Variants in PIWIL1 observed in about 807,000 individuals in gnomAD.
PIWIL1 encodes the protein piwi-like protein 1.
In PIWIL1, 73 loss-of-function variants were observed where a neutral mutation model predicts 114.4. That is an observed-to-expected ratio of 0.64 (90% CI 0.53 to 0.78). The LOEUF is 0.78. Ranked by LOEUF, PIWIL1 falls within the 30% of genes least tolerant of loss-of-function variation. PIWIL1 has a pLI of 0.00. For missense variants in PIWIL1, 723 were observed against 1,063.1 expected (o/e 0.68, Z 4.45); for synonymous variants, 375 against 369.0 (o/e 1.02, Z -0.19).
chr12:130,402,921 G>A, the PIWIL1 span, among the ~76,000 whole-genome samples: 8 of 152,334 alleles, frequency 5.3e-5, no homozygotes, highest in African/African-American at 1.7e-4. Flanking sequence ...TTTAAAACAC[G>A]ATGGGGTGTT....
At chr12:130,345,265 G>A (rs565720745) in intron 3 of PIWIL1, 1 of 153,538 alleles carries the variant, frequency 6.5e-6, no homozygotes, top group African/African-American at 2.4e-5. Flanking sequence ...AAGAGAGTCA[G>A]GTAGTGAGGA....
chr12:130,357,431 C>G (rs768995648), intron 13 of PIWIL1, 50 bp from the exon 14 acceptor site: 1 of 1,350,406 alleles, frequency 7.4e-7, no homozygotes, highest in Non-Finnish European at 1.1e-6. Context: ...TATGCACGGT[C>G]CATTTGTCGC....
chr12:130,349,323 C>G lies in PIWIL1; in HGVS notation c.819C>G (p.Val273=), dbSNP rs2073152681. 6.2e-7 allele frequency: 1 copy of G among 1,613,700 alleles called. No individual in the cohort carries two copies. Among genetic ancestry groups the G allele is most frequent in the African/African-American group, 1.3e-5 (1 of 74,886 alleles). ...TCTGCACTGACGTTAGCCATAAAGTCCTTCGAAGTGAGACTGTTTTGGATT... is the reference window on the plus strand; with the variant it reads ...TCTGCACTGACGTTAGCCATAAAGTGCTTCGAAGTGAGACTGTTTTGGATT... The part of the protein sequence containing the change: ...IMLCTDVSHK[V]LRSETVLDFM... The change falls in exon 8 of 21, where the codon GTC becomes GTG. Residue 273 remains valine (V), a synonymous_variant. Coordinates refer to ENST00000245255, the MANE Select transcript of PIWIL1 (RefSeq NM_004764.5).
chr12:130,424,392 C>T, the PIWIL1 span: 68 of 1,232,678 alleles, frequency 5.5e-5, no homozygotes, highest in East Asian at 6.0e-4. This position sits in a 1 kb window ranked among gnomAD's most constrained non-coding sequence, Gnocchi z 9.8. Context: ...CGTCCGCCGC[C>T]GGGCCAGCAG....
chr12:130,377,496 C>T (rs139303940), downstream of PIWIL1, among the ~76,000 whole-genome samples: 601 of 152,310 alleles, frequency 3.9e-3, 4 homozygotes, highest in African/African-American at 0.014. Context: ...TAAGTTACAC[C>T]AGGCAGAGAG....
the PIWIL1 span, among the ~76,000 whole-genome samples, chr12:130,420,315 A>G: frequency 5.3e-5 from 8 of 152,052 alleles, no homozygotes; most frequent in African/African-American, 1.9e-4. This position sits in a 1 kb window ranked among gnomAD's most constrained non-coding sequence, Gnocchi z 4.3. Context: ...TTGCTACATG[A>G]TAAGAAGTCA....
At chr12:130,399,971 A>G in the PIWIL1 span, among the ~76,000 whole-genome samples, 256 of 152,310 alleles carry the variant, frequency 1.7e-3, 1 homozygote, top group African/African-American at 5.7e-3. Context: ...AGGGTTTCCA[A>G]ATTTTCCTCA....
the PIWIL1 span, chr12:130,406,376 G>T: frequency 1.6e-6 from 1 of 618,012 alleles, no homozygotes; most frequent in Non-Finnish European, 2.8e-6. Flanking sequence ...GTCAAATAAA[G>T]GTAGAAGCTA....
intron 18 of PIWIL1, among the ~76,000 whole-genome samples, chr12:130,364,877 G>T (rs1415779636): frequency 6.6e-6 from 1 of 152,184 alleles, no homozygotes; most frequent in Non-Finnish European, 1.5e-5. Context: ...AAATTGTCAA[G>T]AAATGATGAA....
intron 9 of PIWIL1, 43 bp from the exon 10 acceptor site, chr12:130,354,494 G>T (rs201349482): frequency 6.2e-7 from 1 of 1,611,838 alleles, no homozygotes; most frequent in Non-Finnish European, 8.5e-7. Flanking sequence ...GATGCTACTC[G>T]AGGCATTTGC....
intron 1 of PIWIL1, among the ~76,000 whole-genome samples, chr12:130,339,177 C>T (rs1256341833): frequency 1.3e-5 from 2 of 152,128 alleles, no homozygotes; most frequent in Admixed American, 1.3e-4. Context: ...AGGCGGCGAC[C>T]GCGACGGCCG....
the PIWIL1 span, chr12:130,414,106 G>A: frequency 1.9e-5 from 30 of 1,613,422 alleles, no homozygotes; most frequent in Middle Eastern, 1.7e-4. Context: ...GAAGCCGCCC[G>A]CAGGCAGCCA....
At chr12:130,390,360 A>G in the PIWIL1 span, among the ~76,000 whole-genome samples, 2 of 152,216 alleles carry the variant, frequency 1.3e-5, no homozygotes, top group African/African-American at 4.8e-5. Flanking sequence ...TTGTTTGTAC[A>G]GCAGACTGCC....
the PIWIL1 span, among the ~76,000 whole-genome samples, chr12:130,393,406 G>T: frequency 6.7e-3 from 189 of 28,282 alleles, no homozygotes; most frequent in Middle Eastern, 0.023. Context: ...TCATCACGTG[G>T]GTGCGTCAGT....
At chr12:130,422,690 G>A in the PIWIL1 span, 3 of 667,408 alleles carry the variant, frequency 4.5e-6, no homozygotes, top group African/African-American at 3.6e-5. This position sits in a 1 kb window ranked among gnomAD's most constrained non-coding sequence, Gnocchi z 5.2. Flanking sequence ...TTAACTGAAA[G>A]GTTAGCTGAA....
At chr12:130,347,203 GTGGT>G in intron 6 of PIWIL1, 141 bp downstream of exon 6, 1 of 648,784 alleles carries the variant, frequency 1.5e-6, no homozygotes, top group South Asian at 2.0e-5. Context: ...AACTTAAGGT[GTGGT>G]TTACTGATAG....
chr12:130,353,660 C>T (rs1214739931), intron 9 of PIWIL1, among the ~76,000 whole-genome samples: 1 of 152,128 alleles, frequency 6.6e-6, no homozygotes, highest in East Asian at 1.9e-4. Flanking sequence ...GGTGCCGTGA[C>T]TCACGCCTCT....
intron 5 of PIWIL1, 115 bp from the exon 6 acceptor site, chr12:130,346,826 C>A: frequency 1.5e-6 from 2 of 1,328,040 alleles, no homozygotes; most frequent in Non-Finnish European, 2.0e-6. Flanking sequence ...TAAAAAAAAT[C>A]CAGTTAAAAC....
chr12:130,352,994 G>A (rs888307640), intron 9 of PIWIL1, among the ~76,000 whole-genome samples: 6 of 152,186 alleles, frequency 3.9e-5, no homozygotes, highest in South Asian at 2.1e-4. Context: ...AGTCAAGAAC[G>A]GGCTAGAATT....
Sources: gnomAD v4.1 joint callset for allele counts (sites outside exome capture counted in the v4.1 genomes callset) on GRCh38, gnomAD v4.1.1 for gene constraint, Gnocchi (gnomAD v3.1) non-coding constraint, MANE v1.5 for transcripts, NCBI Gene and HGNC (gene_info 2026-07-23, HGNC 2026-07-21) for gene names.